The following FRAS1 variants were observed in gnomAD, a reference collection of about 807,000 sequenced individuals.
The protein encoded by FRAS1 is Fraser extracellular matrix complex subunit 1, also known as extracellular matrix organizing protein FRAS1.
A neutral mutation model predicts 435.2 loss-of-function variants in FRAS1; 290 were observed. The ratio of observed to expected loss-of-function variants is 0.67; its 90% CI spans 0.61 to 0.73. FRAS1 has a LOEUF of 0.73. FRAS1 is among the 30% of genes least tolerant of loss of function. The pLI, the probability that FRAS1 is intolerant of heterozygous loss-of-function variation, is 0.00. For synonymous variants in FRAS1, 1,800 were observed against 1,851.0 expected, an observed-to-expected ratio of 0.97 and a Z score of 0.71; for missense variants, 4,860 against 5,001.5, an observed-to-expected ratio of 0.97 and a Z score of 0.85.
intron 2 of FRAS1, among the ~76,000 whole-genome samples, chr4:78,078,699 T>C (rs1311743537): frequency 6.6e-6 from 1 of 151,998 alleles, no homozygotes; most frequent in Admixed American, 6.6e-5. Flanking sequence ...AAATAATTCA[T>C]GTAAGTATTT....
intron 2 of FRAS1, among the ~76,000 whole-genome samples, chr4:78,235,731 T>A (rs1724725179): frequency 6.6e-6 from 1 of 152,358 alleles, no homozygotes. Flanking sequence ...GGCAGATTGC[T>A]TAAGCCTAGG....
intron 2 of FRAS1, among the ~76,000 whole-genome samples, chr4:78,135,371 C>T (rs1235806026): frequency 6.6e-6 from 1 of 152,124 alleles, no homozygotes; most frequent in Non-Finnish European, 1.5e-5. Flanking sequence ...TTATTTATTG[C>T]TACTGGCCTG....
At chr4:78,154,780 A>C (rs369160856) in intron 2 of FRAS1, among the ~76,000 whole-genome samples, 38 of 152,358 alleles carry the variant, frequency 2.5e-4, no homozygotes, top group African/African-American at 8.9e-4. Flanking sequence ...TTAAAAACAA[A>C]CAAAGCAGAA....
chr4:78,465,168 C>G (rs1719488731), intron 49 of FRAS1, among the ~76,000 whole-genome samples: 1 of 152,218 alleles, frequency 6.6e-6, no homozygotes, highest in Non-Finnish European at 1.5e-5. Context: ...TATGTATCCC[C>G]TTCTCTGTGC....
At chr4:78,314,825 A>G (rs961748384) in intron 15 of FRAS1, among the ~76,000 whole-genome samples, 1 of 152,096 alleles carries the variant, frequency 6.6e-6, no homozygotes, top group Admixed American at 6.5e-5. Flanking sequence ...TTGCTCCTCT[A>G]TGAATGCTTT....
At chr4:78,160,302 G>A (rs1578159329) in intron 2 of FRAS1, among the ~76,000 whole-genome samples, 1 of 152,234 alleles carries the variant, frequency 6.6e-6, no homozygotes, top group South Asian at 2.1e-4. Flanking sequence ...CAGGTCAAGC[G>A]TGTCAAATGT....
Position 78,308,047 on chromosome 4 carries a change from T to G in FRAS1, c.1535-19T>G. ...CTTTCTGCCGTAGATTACTCACTGATTTTGCTATTCGTCTGCAGTCTGCCA... is the reference window on the plus strand; with the variant it reads ...CTTTCTGCCGTAGATTACTCACTGAGTTTGCTATTCGTCTGCAGTCTGCCA... On this transcript the variant is annotated intron_variant, in intron 14 of 73. Coordinates refer to ENST00000512123, the MANE Select transcript of FRAS1 (RefSeq NM_025074.7). 1.1e-5 allele frequency: 17 copies of G among 1,578,698 alleles called. No individual in the cohort carries two copies. The highest frequency in any genetic ancestry group is 1.5e-5 in the Non-Finnish European group (17 of 1,159,168).
intron 7 of FRAS1, among the ~76,000 whole-genome samples, chr4:78,266,402 T>C (rs1322120834): frequency 2.0e-5 from 3 of 152,190 alleles, no homozygotes; most frequent in Non-Finnish European, 4.4e-5. Flanking sequence ...TCTAGCAAAT[T>C]TCCCGTGAGG....
In FRAS1 at chr4:78,516,409, G is replaced by A. The variant is rs536031788; in HGVS notation, c.10389+396G>A. Among the ~76,000 whole-genome samples, 4 of 152,342 alleles carry A rather than the reference G, an allele frequency of 2.6e-5. No homozygotes were observed. The East Asian group carries it at 7.7e-4, about 29-fold the overall frequency. ...GAAAATGCGTCAGATGATGCAGCCT[G>A]TCTTTCAGAAGATAAGAAGAGCTCT... is the stretch of plus-strand genomic sequence containing the variant. On this transcript the variant is annotated intron_variant, in intron 66 of 73. Coordinates refer to ENST00000512123, the MANE Select transcript of FRAS1 (RefSeq NM_025074.7).
intron 2 of FRAS1, among the ~76,000 whole-genome samples, chr4:78,092,424 G>T (rs936145989): frequency 2.0e-5 from 3 of 152,186 alleles, no homozygotes; most frequent in African/African-American, 7.2e-5. Context: ...GCAAGGAGGA[G>T]CAAGTCACAT....
chr4:78,423,870 G>A (rs543197397), intron 34 of FRAS1, among the ~76,000 whole-genome samples: 7 of 152,248 alleles, frequency 4.6e-5, no homozygotes, highest in East Asian at 3.9e-4. Context: ...CATGTCAGCC[G>A]TGGTTGAAGT....
intron 4 of FRAS1, among the ~76,000 whole-genome samples, chr4:78,247,023 C>T (rs1490970132): frequency 6.6e-6 from 1 of 152,100 alleles, no homozygotes; most frequent in Non-Finnish European, 1.5e-5. Flanking sequence ...ATAAAAGATT[C>T]AAAAAATTAG....
intron 2 of FRAS1, among the ~76,000 whole-genome samples, chr4:78,204,783 T>A (rs868406720): frequency 7.8e-4 from 119 of 152,342 alleles, no homozygotes; most frequent in African/African-American, 2.6e-3. Context: ...AGTTTCTAAG[T>A]GAAAAGAATA....
intron 60 of FRAS1, among the ~76,000 whole-genome samples, chr4:78,497,197 A>G (rs1720532588): frequency 2.0e-5 from 3 of 152,150 alleles, no homozygotes; most frequent in African/African-American, 7.2e-5. Context: ...ATATGGACTG[A>G]TTGTGGTCAA....
At chr4:78,249,048 G>GATATAT (rs1268017507) in intron 4 of FRAS1, among the ~76,000 whole-genome samples, 5 of 27,532 alleles carry the variant, frequency 1.8e-4, no homozygotes, top group Non-Finnish European at 4.3e-4. Flanking sequence ...AAGAACTACT[G>GATATAT]ATATATATAT....
At chr4:78,203,551 A>G (rs1204390211) in intron 2 of FRAS1, among the ~76,000 whole-genome samples, 1 of 145,748 alleles carries the variant, frequency 6.9e-6, no homozygotes, top group Non-Finnish European at 1.5e-5. Flanking sequence ...CTCTCTCTCT[A>G]TTTTATTTTA....
Position 78,513,379 on chromosome 4 carries a change from T to A in FRAS1, c.10014-13T>A. On this transcript the variant is annotated splice_polypyrimidine_tract_variant and intron_variant, in intron 64 of 73. Transcript: ENST00000512123. ...AGTCAGCTAAACATTTATTTCTGCC[T>A]TTTTCCCCCTAGAATCCACATTTCG... is the stretch of plus-strand genomic sequence containing the variant. 6.2e-7 allele frequency: 1 copy of A among 1,608,170 alleles called. No individual in the cohort carries two copies. Among genetic ancestry groups the A allele is most frequent in the Non-Finnish European group, 8.5e-7 (1 of 1,175,912 alleles).
intron 2 of FRAS1, among the ~76,000 whole-genome samples, chr4:78,205,189 TC>T (rs1723204410): frequency 7.1e-6 from 1 of 141,410 alleles, no homozygotes; most frequent in African/African-American, 2.5e-5. Flanking sequence ...TTTCTTTCCT[TC>T]CTTTTTTTTT....
At chr4:78,368,214 G>T (rs1731350935) in intron 22 of FRAS1, among the ~76,000 whole-genome samples, 1 of 147,832 alleles carries the variant, frequency 6.8e-6, no homozygotes, top group Non-Finnish European at 1.5e-5. Flanking sequence ...TCTAATTATT[G>T]AAAATAATTA....
Sources: allele counts gnomAD v4.1 joint callset (sites outside exome capture counted in the v4.1 genomes callset), GRCh38; gene constraint gnomAD v4.1.1; transcripts MANE v1.5; gene names NCBI Gene and HGNC (gene_info 2026-07-23, HGNC 2026-07-21).